SRPK2: variants seen among roughly 807,000 people sequenced by gnomAD.
SRPK2 encodes SRSF protein kinase 2.
Under a neutral mutation model 90.8 loss-of-function variants are expected in SRPK2, and 21 were observed. That is an observed-to-expected ratio of 0.23 (90% CI 0.16 to 0.33). The LOEUF is 0.33. SRPK2 is among the 10% of genes least tolerant of loss of function. SRPK2 has a pLI of 1.00. For synonymous variants in SRPK2, 288 were observed against 311.1 expected (o/e 0.93, Z 0.78); for missense variants, 620 against 869.0 (o/e 0.71, Z 3.60).
intron 2 of SRPK2, among the ~76,000 whole-genome samples, chr7:105,313,069 A>G (rs1811898887): frequency 2.0e-5 from 3 of 152,242 alleles, no homozygotes; most frequent in Admixed American, 2.0e-4. Flanking sequence ...ATAACATCAC[A>G]AAAGACAAGA....
chr7:105,240,768 T>C (rs1173218712), intron 2 of SRPK2, among the ~76,000 whole-genome samples: 1 of 152,192 alleles, frequency 6.6e-6, no homozygotes, highest in East Asian at 1.9e-4. Context: ...TCAATTTTTT[T>C]CTGTTATGTT....
At chr7:105,313,362 G>A (rs929803920) in intron 2 of SRPK2, among the ~76,000 whole-genome samples, 8 of 149,772 alleles carry the variant, frequency 5.3e-5, no homozygotes, top group Admixed American at 1.3e-4. Flanking sequence ...CAGGAGAATC[G>A]CTTGAACCCG....
chr7:105,175,766 TA>T (rs1791759750), intron 3 of SRPK2, among the ~76,000 whole-genome samples: 1 of 151,536 alleles, frequency 6.6e-6, no homozygotes, highest in Non-Finnish European at 1.5e-5. Context: ...AAAACTTAGA[TA>T]AAATGGACAA....
intron 2 of SRPK2, among the ~76,000 whole-genome samples, chr7:105,342,511 T>C (rs1433994211): frequency 6.6e-6 from 1 of 151,288 alleles, no homozygotes; most frequent in Non-Finnish European, 1.5e-5. Flanking sequence ...TCAAAAAGAG[T>C]TGCCTAGGCC....
intron 3 of SRPK2, among the ~76,000 whole-genome samples, chr7:105,185,553 T>A (rs906301684): frequency 1.3e-5 from 2 of 151,896 alleles, no homozygotes; most frequent in Admixed American, 6.6e-5. Context: ...TGTCAAAAAA[T>A]AATAATAATA....
chr7:105,355,345 A>T (rs570051967), intron 2 of SRPK2, among the ~76,000 whole-genome samples: 28 of 146,492 alleles, frequency 1.9e-4, no homozygotes, highest in African/African-American at 6.2e-4. Flanking sequence ...AAAAAAAAAA[A>T]TTTTTTTTTC....
Position 105,136,928 on chromosome 7 carries a change from C to T in SRPK2, c.1544-3824G>A, listed in dbSNP as rs62488060. On this transcript the variant is annotated intron_variant, in intron 11 of 15. Transcript: ENST00000393651. Reference sequence around the variant, plus strand: ...AAAACACAAGCTAAATTAGGAAACTCGTGTACTGGTTGAAAATATGGGCAA... The same window carrying T: ...AAAACACAAGCTAAATTAGGAAACTTGTGTACTGGTTGAAAATATGGGCAA... Among the ~76,000 whole-genome samples, 420 of 152,252 alleles carry T rather than the reference C, an allele frequency of 2.8e-3. 2 individuals are homozygous for T. Among genetic ancestry groups the T allele is most frequent in the Non-Finnish European group, 4.8e-3 (324 of 68,022 alleles).
At chr7:105,141,748 C>G (rs1475128347) in intron 11 of SRPK2, among the ~76,000 whole-genome samples, 1 of 152,130 alleles carries the variant, frequency 6.6e-6, no homozygotes, top group Non-Finnish European at 1.5e-5. Flanking sequence ...AAGGTTTTTG[C>G]AAATGATGCT....
intron 2 of SRPK2, chr7:105,244,862 C>A: frequency 8.2e-7 from 1 of 1,222,388 alleles, no homozygotes; most frequent in Non-Finnish European, 1.2e-6. Flanking sequence ...AACGGGTCCT[C>A]AAGTTCATCA....
At chr7:105,182,857 G>A (rs990042766) in intron 3 of SRPK2, among the ~76,000 whole-genome samples, 2 of 152,092 alleles carry the variant, frequency 1.3e-5, no homozygotes, top group African/African-American at 4.8e-5. Context: ...AGGAGGGAAA[G>A]TAAACTACTA....
At chr7:105,248,120 T>C (rs1276372058) in intron 2 of SRPK2, among the ~76,000 whole-genome samples, 1 of 152,202 alleles carries the variant, frequency 6.6e-6, no homozygotes, top group African/African-American at 2.4e-5. Context: ...CCCAAACTGC[T>C]GGGATTACAG....
At chr7:105,335,942 G>A (rs1195106182) in intron 2 of SRPK2, among the ~76,000 whole-genome samples, 1 of 149,158 alleles carries the variant, frequency 6.7e-6, no homozygotes, top group African/African-American at 2.5e-5. Context: ...GGCAACTAGA[G>A]CAAAACTCCA....
chr7:105,301,475 G>A (rs1810548118), intron 2 of SRPK2: 2 of 1,021,548 alleles, frequency 2.0e-6, no homozygotes, highest in Non-Finnish European at 3.1e-6. Flanking sequence ...TGTCTTCGTT[G>A]TTGCAAGCAC....
chr7:105,358,079 T>C (rs1056844735), intron 2 of SRPK2, among the ~76,000 whole-genome samples: 1 of 151,342 alleles, frequency 6.6e-6, no homozygotes, highest in East Asian at 2.0e-4. Flanking sequence ...CAAAAATTAG[T>C]TGGGCGTGCT....
At chr7:105,378,392 A>T (rs1175853483) in intron 2 of SRPK2, among the ~76,000 whole-genome samples, 2 of 151,986 alleles carry the variant, frequency 1.3e-5, no homozygotes, top group Non-Finnish European at 2.9e-5. Flanking sequence ...ACGACACAAT[A>T]TTTTTTTTAA....
At chr7:105,273,152 T>C (rs1205302394) in intron 2 of SRPK2, among the ~76,000 whole-genome samples, 2 of 151,130 alleles carry the variant, frequency 1.3e-5, no homozygotes, top group Admixed American at 6.6e-5. Flanking sequence ...GAGGCGGAGG[T>C]TGCAGTGAGC....
At chr7:105,323,268 A>G (rs1813148697) in intron 2 of SRPK2, among the ~76,000 whole-genome samples, 1 of 152,240 alleles carries the variant, frequency 6.6e-6, no homozygotes, top group South Asian at 2.1e-4. Flanking sequence ...TGCTAGAGAC[A>G]AAAATGCTAG....
chr7:105,307,469 G>A (rs73186066), intron 2 of SRPK2, among the ~76,000 whole-genome samples: 1,722 of 152,308 alleles, frequency 0.011, 19 homozygotes, highest in Middle Eastern at 0.017. Flanking sequence ...AAGCCGGCTT[G>A]CACCCTCACA....
At chr7:105,305,150 C>T (rs1811001331) in intron 2 of SRPK2, among the ~76,000 whole-genome samples, 1 of 152,122 alleles carries the variant, frequency 6.6e-6, no homozygotes, top group Non-Finnish European at 1.5e-5. Flanking sequence ...AACAAAAATC[C>T]TGTTGCCAGC....
Sources: gnomAD v4.1 joint callset for allele counts (sites outside exome capture counted in the v4.1 genomes callset) on GRCh38, gnomAD v4.1.1 for gene constraint, MANE v1.5 for transcripts, NCBI Gene and HGNC (gene_info 2026-07-23, HGNC 2026-07-21) for gene names.